HPSE2: variants seen among roughly 807,000 people sequenced by gnomAD.
HPSE2 encodes inactive heparanase-2.
HPSE2 carries 38 observed loss-of-function variants against 60.5 expected under a neutral mutation model. The ratio of observed to expected loss-of-function variants is 0.63; its 90% CI spans 0.48 to 0.82. The LOEUF (loss-of-function observed/expected upper bound fraction) is 0.82, where lower values mean the gene tolerates loss of function less well. Ranked by LOEUF, HPSE2 falls within the 40% of genes least tolerant of loss-of-function variation. The pLI, the probability that HPSE2 is intolerant of heterozygous loss-of-function variation, is 0.00. For synonymous variants in HPSE2, 295 were observed against 293.2 expected, an observed-to-expected ratio of 1.01 and a Z score of -0.06; for missense variants, 713 against 740.4, an observed-to-expected ratio of 0.96 and a Z score of 0.43.
At chr10:98,966,743 A>G (rs1220047801) in intron 3 of HPSE2, among the ~76,000 whole-genome samples, 2 of 152,184 alleles carry the variant, frequency 1.3e-5, no homozygotes, top group Admixed American at 1.3e-4. Flanking sequence ...AGCTAATAAC[A>G]ATATATTGCA....
intron 3 of HPSE2, among the ~76,000 whole-genome samples, chr10:98,762,445 G>A (rs556068182): frequency 2.6e-5 from 4 of 152,276 alleles, no homozygotes; most frequent in African/African-American, 9.6e-5. Flanking sequence ...CACTGGAGAA[G>A]GGGACTCATC....
chr10:98,492,399 G>A (rs1941681099), intron 9 of HPSE2, among the ~76,000 whole-genome samples: 1 of 151,838 alleles, frequency 6.6e-6, no homozygotes, highest in Non-Finnish European at 1.5e-5. Flanking sequence ...CTACTCGGGA[G>A]GCTGAGGCAG....
chr10:98,573,191 T>C (rs1944547930), intron 9 of HPSE2, among the ~76,000 whole-genome samples: 1 of 152,232 alleles, frequency 6.6e-6, no homozygotes, highest in Non-Finnish European at 1.5e-5. Flanking sequence ...AGGCATTCAA[T>C]AAATGACATT....
Position 99,116,947 on chromosome 10 carries a change from C to G in HPSE2, c.610+27291G>C, listed in dbSNP as rs537070095. 7.9e-5 allele frequency among the ~76,000 whole-genome samples: 12 copies of G among 151,972 alleles called. No individual in the cohort carries two copies. The South Asian group carries it at 2.3e-3, about 29-fold the overall frequency. ...CCAAACAGATTCTGGTCTGAGAACA[C>G]TAAAGACAGAATAGCGACAATCCCT... On this transcript the variant is annotated intron_variant, in intron 3 of 11. Transcript: ENST00000370552.
chr10:99,296,229 C>T, the HPSE2 span, among the ~76,000 whole-genome samples: 1 of 152,142 alleles, frequency 6.6e-6, no homozygotes, highest in Non-Finnish European at 1.5e-5. Flanking sequence ...TTACCACTTA[C>T]AATAACTGGA....
chr10:99,232,161 TCAGGCGAGGTGCAAC>T (rs770691545), intron 2 of HPSE2, among the ~76,000 whole-genome samples, 172 bp downstream of exon 2: 16 of 151,816 alleles, frequency 1.1e-4, no homozygotes, highest in Non-Finnish European at 1.5e-4. Flanking sequence ...CTTTTCATTT[TCAGGCGAGGTGCAAC>T]CAGGCTCTCC....
At chr10:98,913,208 A>G (rs1319948922) in intron 3 of HPSE2, among the ~76,000 whole-genome samples, 1 of 152,250 alleles carries the variant, frequency 6.6e-6, no homozygotes, top group Non-Finnish European at 1.5e-5. Flanking sequence ...TTATCTAATT[A>G]GCAACAACAT....
chr10:99,026,768 T>A (rs1372210620), intron 3 of HPSE2, among the ~76,000 whole-genome samples: 1 of 152,186 alleles, frequency 6.6e-6, no homozygotes, highest in East Asian at 1.9e-4. Context: ...TAGTATCAAG[T>A]ATCTTCCCTG....
chr10:98,962,645 C>T (rs558014857), intron 3 of HPSE2, among the ~76,000 whole-genome samples: 1 of 150,424 alleles, frequency 6.6e-6, no homozygotes, highest in East Asian at 2.0e-4. Context: ...CAAATTGTCC[C>T]TGTTTGCAGA....
At chr10:98,642,947 C>A (rs1946675795) in intron 6 of HPSE2, among the ~76,000 whole-genome samples, 1 of 152,172 alleles carries the variant, frequency 6.6e-6, no homozygotes. Flanking sequence ...AAATTATTTT[C>A]AATGTCAACT....
chr10:99,109,198 T>C (rs922898967), intron 3 of HPSE2, among the ~76,000 whole-genome samples: 1 of 152,168 alleles, frequency 6.6e-6, no homozygotes, highest in Non-Finnish European at 1.5e-5. Context: ...GAAAGCATTT[T>C]ACAATGTAAT....
At chr10:98,867,651 C>T (rs1952623720) in intron 3 of HPSE2, among the ~76,000 whole-genome samples, 1 of 152,134 alleles carries the variant, frequency 6.6e-6, no homozygotes, top group African/African-American at 2.4e-5. Context: ...GATATACACC[C>T]CAAAGAAAGA....
intron 3 of HPSE2, among the ~76,000 whole-genome samples, chr10:99,006,507 G>T (rs1046810534): frequency 6.6e-6 from 1 of 152,170 alleles, no homozygotes; most frequent in Non-Finnish European, 1.5e-5. Context: ...CCTGGCTTTG[G>T]CAGTCATGGG....
intron 6 of HPSE2, among the ~76,000 whole-genome samples, chr10:98,654,865 G>A (rs1947016417): frequency 6.6e-6 from 1 of 152,174 alleles, no homozygotes; most frequent in South Asian, 2.1e-4. Context: ...GTTGGACTGT[G>A]TTTGCTATAT....
chr10:98,459,351 G>A lies in HPSE2; in HGVS notation c.*223C>T. 1.6e-6 allele frequency: 1 copy of A among 616,772 alleles called. No individual in the cohort carries two copies. Among genetic ancestry groups the A allele is most frequent in the East Asian group, 2.9e-5 (1 of 34,548 alleles). 38.2% of individuals were successfully genotyped at this position (616,772 alleles called of 1,614,324 possible). ...TACACATGCCTTTATCCTTATATAG[G>A]TACAGGTGATGTCTACATTTTCCTT... On this transcript the variant is annotated 3_prime_UTR_variant, in exon 12 of 12. Transcript: ENST00000370552.
intron 9 of HPSE2, among the ~76,000 whole-genome samples, chr10:98,527,959 C>T (rs537393975): frequency 3.3e-5 from 5 of 152,266 alleles, no homozygotes; most frequent in Admixed American, 6.5e-5. Flanking sequence ...ATTTTAAGCC[C>T]CCAAGTTGCT....
At chr10:98,950,484 G>T (rs747261900) in intron 3 of HPSE2, among the ~76,000 whole-genome samples, 6 of 152,100 alleles carry the variant, frequency 3.9e-5, no homozygotes, top group African/African-American at 1.4e-4. Flanking sequence ...TTTGTTGAAT[G>T]ATTAAAATGA....
At chr10:98,659,585 T>G (rs1028294349) in intron 6 of HPSE2, among the ~76,000 whole-genome samples, 24 of 152,238 alleles carry the variant, frequency 1.6e-4, no homozygotes, top group African/African-American at 5.8e-4. Flanking sequence ...TTTGGGATGA[T>G]TCTACCTTTA....
intron 9 of HPSE2, among the ~76,000 whole-genome samples, chr10:98,611,063 G>A (rs1000873225): frequency 6.6e-6 from 1 of 152,040 alleles, no homozygotes; most frequent in Non-Finnish European, 1.5e-5. Context: ...CAGCTGTGGA[G>A]ACTCACACGT....
Sources: allele counts gnomAD v4.1 joint callset (sites outside exome capture counted in the v4.1 genomes callset), GRCh38; gene constraint gnomAD v4.1.1; transcripts MANE v1.5; gene names NCBI Gene and HGNC (gene_info 2026-07-23, HGNC 2026-07-21).